CDH7: variants seen among roughly 807,000 people sequenced by gnomAD.
CDH7 encodes the protein cadherin-7.
A neutral mutation model predicts 71.8 loss-of-function variants in CDH7; 25 were observed. The ratio of observed to expected loss-of-function variants is 0.35; its 90% CI spans 0.25 to 0.49. The LOEUF is 0.49. CDH7 is among the 20% of genes least tolerant of loss of function. CDH7 has a pLI of 0.99. For missense variants in CDH7, 862 were observed against 974.6 expected, an observed-to-expected ratio of 0.88 and a Z score of 1.54; for synonymous variants, 381 against 363.8, an observed-to-expected ratio of 1.05 and a Z score of -0.54.
At chr18:65,842,812 A>C (rs1912782356) in intron 6 of CDH7, among the ~76,000 whole-genome samples, 1 of 150,612 alleles carries the variant, frequency 6.6e-6, no homozygotes, top group African/African-American at 2.4e-5. Flanking sequence ...ACTGACAACT[A>C]AGTCAAGTAT....
Position 65,761,707 on chromosome 18 carries a change from G to A in CDH7, c.-196-940G>A, listed in dbSNP as rs139570925. ...TTCTTTGTGTTTTAGGGGTATGTTC[G>A]AAAGTTTGTTTTGTAACTGATTTTA... is the stretch of plus-strand genomic sequence containing the variant. On this transcript the variant is annotated intron_variant, in intron 1 of 11. Transcript: ENST00000397968. 2.0e-3 allele frequency among the ~76,000 whole-genome samples: 310 copies of A among 152,196 alleles called. 2 individuals carry two copies. Among genetic ancestry groups the A allele is most frequent in the Non-Finnish European group, 3.5e-3 (239 of 67,986 alleles).
rs1220246683 is a variant in CDH7 at position 65,883,477 on chromosome 18, T to C, written c.*2583T>C. ...TGATTGATAAAATTAATATTAAGTC[T>C]AGTTGGAAAATTCTCCAAATATGAT... On this transcript the variant is annotated 3_prime_UTR_variant, in exon 12 of 12. Coordinates refer to ENST00000397968, the MANE Select transcript of CDH7 (RefSeq NM_004361.5). The C allele has an allele frequency of 6.6e-6, 1 of 152,044 alleles. No individual in the cohort carries two copies. Among genetic ancestry groups the C allele is most frequent in the Non-Finnish European group, 1.5e-5 (1 of 67,942 alleles). The allele number at this position is 152,044 out of a possible 1,614,324, so 9.4% of individuals were successfully genotyped here.
chr18:65,826,233 A>G (rs1276517571), intron 6 of CDH7, among the ~76,000 whole-genome samples: 2 of 140,966 alleles, frequency 1.4e-5, no homozygotes, highest in South Asian at 2.2e-4. Flanking sequence ...GAGAAATTTG[A>G]TTCTAACTTA....
intron 6 of CDH7, among the ~76,000 whole-genome samples, chr18:65,843,416 A>G (rs1912808066): frequency 6.6e-6 from 1 of 152,170 alleles, no homozygotes; most frequent in South Asian, 2.1e-4. Context: ...GAGAAATTCA[A>G]TAGAAAGTAA....
chr18:65,859,433 G>A (rs1331698187), intron 9 of CDH7, among the ~76,000 whole-genome samples: 1 of 152,168 alleles, frequency 6.6e-6, no homozygotes, highest in East Asian at 1.9e-4. Flanking sequence ...CTATTGTTCA[G>A]TGTCTTGTGA....
Position 65,762,746 on chromosome 18 carries a change from C to G in CDH7, c.-97C>G. 1 of 945,534 alleles carries G rather than the reference C, an allele frequency of 1.1e-6. No homozygotes were observed. The highest frequency in any genetic ancestry group is 2.6e-5 in the East Asian group (1 of 38,280). 58.6% of individuals were successfully genotyped at this position (945,534 alleles called of 1,614,324 possible). On this transcript the variant is annotated 5_prime_UTR_variant, in exon 2 of 12. Transcript: ENST00000397968. ...ATTATCTCTGGACTCCCAGCTGACACCCTGCCGGAGGCAAGAGCTACTAAG... is the reference window on the plus strand; with the variant it reads ...ATTATCTCTGGACTCCCAGCTGACAGCCTGCCGGAGGCAAGAGCTACTAAG...
intron 4 of CDH7, among the ~76,000 whole-genome samples, chr18:65,818,168 A>G (rs562429806): frequency 6.6e-6 from 1 of 152,334 alleles, no homozygotes; most frequent in African/African-American, 2.4e-5. Context: ...AGTCTCAAAG[A>G]TACACACACC....
chr18:65,823,797 A>G (rs541947520), intron 5 of CDH7, among the ~76,000 whole-genome samples: 1 of 152,012 alleles, frequency 6.6e-6, no homozygotes, highest in African/African-American at 2.4e-5. Context: ...GGACAAATGC[A>G]CCACAATTTA....
chr18:65,795,653 A>AT (rs1910884493), intron 2 of CDH7, among the ~76,000 whole-genome samples: 1 of 152,202 alleles, frequency 6.6e-6, no homozygotes, highest in African/African-American at 2.4e-5. Flanking sequence ...ATAAATTATA[A>AT]TTAAGTACCA....
chr18:65,811,331 G>A (rs1471513063), intron 3 of CDH7, among the ~76,000 whole-genome samples: 1 of 152,074 alleles, frequency 6.6e-6, no homozygotes, highest in African/African-American at 2.4e-5. Context: ...GTTCCTATTA[G>A]AAGAGAGAGG....
intron 10 of CDH7, among the ~76,000 whole-genome samples, chr18:65,861,941 AAC>A (rs991037838): frequency 2.6e-5 from 4 of 152,144 alleles, no homozygotes; most frequent in African/African-American, 9.7e-5. Flanking sequence ...GAAAACTGCT[AAC>A]ACACACAAAA....
chr18:65,792,384 AC>A (rs1436424678), intron 2 of CDH7, among the ~76,000 whole-genome samples: 1 of 151,776 alleles, frequency 6.6e-6, no homozygotes, highest in Non-Finnish European at 1.5e-5. Flanking sequence ...AAACAAGTAA[AC>A]CTTGAAAAGG....
chr18:65,812,928 C>A (rs1236327458), intron 3 of CDH7, among the ~76,000 whole-genome samples: 1 of 152,160 alleles, frequency 6.6e-6, no homozygotes, highest in Non-Finnish European at 1.5e-5. Flanking sequence ...TAATTTATTA[C>A]AACTTTTTGA....
chr18:65,795,037 C>T (rs376233720), intron 2 of CDH7, among the ~76,000 whole-genome samples: 7 of 151,670 alleles, frequency 4.6e-5, no homozygotes, highest in African/African-American at 1.7e-4. Context: ...TTCAGGGTTG[C>T]AAATATGAAG....
chr18:65,790,256 G>T (rs1910665513), intron 2 of CDH7, among the ~76,000 whole-genome samples: 1 of 150,934 alleles, frequency 6.6e-6, no homozygotes, highest in Non-Finnish European at 1.5e-5. Flanking sequence ...AGTTGCCTGA[G>T]GGATATCTAT....
chr18:65,779,291 C>A (rs1598997727), intron 2 of CDH7, among the ~76,000 whole-genome samples: 2 of 98,720 alleles, frequency 2.0e-5, no homozygotes, highest in Admixed American at 2.2e-4. Context: ...ATTATTTGTA[C>A]AGCTGTGTGA....
intron 2 of CDH7, among the ~76,000 whole-genome samples, chr18:65,766,711 G>C (rs961269998): frequency 4.6e-5 from 7 of 151,676 alleles, no homozygotes; most frequent in African/African-American, 1.4e-4. Flanking sequence ...GAGAAGGAAG[G>C]GGGGAGGATC....
rs2144083330 is a variant in CDH7 at position 65,885,601 on chromosome 18, C to T, written c.*4707C>T. 6.6e-6 allele frequency: 1 copy of T among 151,844 alleles called. No homozygotes were observed. The highest frequency in any genetic ancestry group is 2.4e-5 in the African/African-American group (1 of 41,454). 9.4% of individuals were successfully genotyped at this position (151,844 alleles called of 1,614,324 possible). A position where few individuals can be genotyped will look rare whatever the true frequency, so the allele number is the denominator to read the frequency against. Reference sequence around the variant, plus strand: ...CACCGTGGTCTCGATCTCCTGACCTCGTGATTCGCCCGCCTCGGCCTCCCA... The same window carrying T: ...CACCGTGGTCTCGATCTCCTGACCTTGTGATTCGCCCGCCTCGGCCTCCCA... On this transcript the variant is annotated 3_prime_UTR_variant, in exon 12 of 12. Transcript: ENST00000397968.
chr18:65,795,134 T>C (rs1221628609), intron 2 of CDH7, among the ~76,000 whole-genome samples: 2 of 152,134 alleles, frequency 1.3e-5, no homozygotes, highest in Non-Finnish European at 2.9e-5. Flanking sequence ...TCCATCATGA[T>C]TTCATCATTG....
Sources: allele counts gnomAD v4.1 joint callset (sites outside exome capture counted in the v4.1 genomes callset), GRCh38; gene constraint gnomAD v4.1.1; transcripts MANE v1.5; gene names NCBI Gene and HGNC (gene_info 2026-07-23, HGNC 2026-07-21).